The following CKAP2 variants were observed in gnomAD, a reference collection of about 807,000 sequenced individuals.
CKAP2 encodes the protein cytoskeleton associated protein 2, also known as cytoskeleton-associated protein 2.
CKAP2 carries 46 observed loss-of-function variants against 58.4 expected under a neutral mutation model. That is an observed-to-expected ratio of 0.79 (90% CI 0.62 to 1.01). CKAP2 has a LOEUF of 1.01. CKAP2 is among the 50% of genes least tolerant of loss of function. CKAP2 has a pLI of 0.00. For missense variants in CKAP2, 809 were observed against 796.4 expected (o/e 1.02, Z -0.19); for synonymous variants, 293 against 280.9 (o/e 1.04, Z -0.43).
intron 5 of CKAP2, among the ~76,000 whole-genome samples, chr13:52,463,719 A>G (rs1367423380): frequency 6.6e-6 from 1 of 152,210 alleles, no homozygotes; most frequent in Non-Finnish European, 1.5e-5. Flanking sequence ...TCTAGGGATA[A>G]GGAGGCATTC....
intron 6 of CKAP2, chr13:52,465,931 A>ACACATATATATACG: frequency 3.2e-6 from 1 of 314,202 alleles, no homozygotes; most frequent in East Asian, 7.7e-5. Context: ...ATATATATAC[A>ACACATATATATACG]CACATATATA....
intron 6 of CKAP2, among the ~76,000 whole-genome samples, chr13:52,467,092 C>A (rs1183095933): frequency 7.9e-6 from 1 of 127,288 alleles, no homozygotes; most frequent in Non-Finnish European, 1.7e-5. Context: ...CAGAGCAACA[C>A]CCTGTCTCAA....
Position 52,455,494 on chromosome 13 carries a change from G to T in CKAP2, c.-63G>T. ...AGCCGCGGTGCAGACTGCGGCGGCG[G>T]TGGTCTGAGGAAGTTCTATCTTGGC... On this transcript the variant is annotated 5_prime_UTR_variant, in exon 1 of 9. Transcript: ENST00000258607. 1 of 1,594,732 alleles carries T rather than the reference G, an allele frequency of 6.3e-7. No individual in the cohort carries two copies.
chr13:52,461,132 A>G lies in CKAP2; in HGVS notation c.306A>G (p.Leu102=). The part of the protein sequence containing the change: ...NTVVGKHCIP[L]KPSNELTNST... ...TGGTGGGGAAACATTGTATTCCTTTAAAACCTTCAAATGAACTAACCAATT... is the reference window on the plus strand; with the variant it reads ...TGGTGGGGAAACATTGTATTCCTTTGAAACCTTCAAATGAACTAACCAATT... The change falls in exon 4 of 9, where the codon TTA becomes TTG. Residue 102 remains leucine, a synonymous_variant. Transcript: ENST00000258607. 1 of 1,612,754 alleles carries G rather than the reference A, an allele frequency of 6.2e-7. No homozygotes were observed.
At chr13:52,473,042 G>C (rs1344497005) in intron 7 of CKAP2, among the ~76,000 whole-genome samples, 1 of 148,276 alleles carries the variant, frequency 6.7e-6, no homozygotes, top group Non-Finnish European at 1.5e-5. Context: ...CAGACACCCT[G>C]TCTCTAAAAA....
In CKAP2 at chr13:52,468,358, G is replaced by A; in HGVS notation, c.1546+11G>A. Reference sequence around the variant, plus strand: ...AAAAAGCTAATTTAGGTAAGTTTTAGTTATTTTATTTCCTTCATGTGAACT... The same window carrying A: ...AAAAAGCTAATTTAGGTAAGTTTTAATTATTTTATTTCCTTCATGTGAACT... On this transcript the variant is annotated intron_variant, in intron 7 of 8. Transcript: ENST00000258607. The A allele has an allele frequency of 1.3e-6, 2 of 1,511,428 alleles. No individual in the cohort carries two copies. Among genetic ancestry groups the A allele is most frequent in the Non-Finnish European group, 9.1e-7 (1 of 1,101,798 alleles). 93.6% of individuals were successfully genotyped at this position (1,511,428 alleles called of 1,614,324 possible). A position where few individuals can be genotyped will look rare whatever the true frequency, so the allele number is the denominator to read the frequency against.
At chr13:52,458,062 CTTTATA>C (rs1566097015) in intron 2 of CKAP2, among the ~76,000 whole-genome samples, 1 of 152,126 alleles carries the variant, frequency 6.6e-6, no homozygotes, top group Non-Finnish European at 1.5e-5. Context: ...TAATTTCTAA[CTTTATA>C]TTAATAAGTT....
chr13:52,468,068 C>T (rs1055898561), intron 6 of CKAP2, among the ~76,000 whole-genome samples: 7 of 152,076 alleles, frequency 4.6e-5, no homozygotes, highest in African/African-American at 1.7e-4. Flanking sequence ...TCTAGGCCTC[C>T]CAAAGTGCTG....
chr13:52,457,148 G>A (rs774966468), intron 2 of CKAP2, among the ~76,000 whole-genome samples: 5 of 152,096 alleles, frequency 3.3e-5, no homozygotes, highest in African/African-American at 7.2e-5. Context: ...GCCCACCTCA[G>A]CCTCTGAAAG....
At chr13:52,467,238 T>C (rs964555029) in intron 6 of CKAP2, among the ~76,000 whole-genome samples, 1 of 152,132 alleles carries the variant, frequency 6.6e-6, no homozygotes, top group African/African-American at 2.4e-5. Context: ...TAGCAAATGC[T>C]TAGGTAAATA....
intron 1 of CKAP2, 91 bp downstream of exon 1, chr13:52,455,717 C>T: frequency 1.5e-6 from 2 of 1,306,998 alleles, no homozygotes; most frequent in Middle Eastern, 2.7e-4. Context: ...CGCTGGCGCG[C>T]TTCACCTCTC....
intron 1 of CKAP2, chr13:52,456,195 C>T (rs554856356): frequency 9.5e-7 from 1 of 1,057,674 alleles, no homozygotes; most frequent in Non-Finnish European, 1.1e-6. Flanking sequence ...TTAGAACTTT[C>T]GAGTCTAGTG....
intron 6 of CKAP2, among the ~76,000 whole-genome samples, chr13:52,466,898 C>T (rs913093391): frequency 6.6e-6 from 1 of 152,004 alleles, no homozygotes. Flanking sequence ...GAGTTCAAGA[C>T]CAGCCTGGGC....
At chr13:52,466,861 C>G (rs1347924879) in intron 6 of CKAP2, among the ~76,000 whole-genome samples, 1 of 151,994 alleles carries the variant, frequency 6.6e-6, no homozygotes, top group Non-Finnish European at 1.5e-5. Context: ...GTTGGGAAGC[C>G]GAGGCGGGAG....
intron 6 of CKAP2, 124 bp downstream of exon 6, chr13:52,465,589 A>C (rs774960406): frequency 3.1e-5 from 25 of 800,888 alleles, no homozygotes; most frequent in Admixed American, 5.1e-5. Flanking sequence ...ATAAATGTTT[A>C]AAGGCTGCAA....
chr13:52,456,995 T>C (rs886642558), intron 2 of CKAP2, among the ~76,000 whole-genome samples: 13 of 152,000 alleles, frequency 8.6e-5, no homozygotes, highest in African/African-American at 3.1e-4. Context: ...TGGGTTCAAG[T>C]GAATCTCCTG....
intron 2 of CKAP2, among the ~76,000 whole-genome samples, chr13:52,459,854 C>T (rs1017502104): frequency 6.6e-6 from 1 of 151,980 alleles, no homozygotes; most frequent in African/African-American, 2.4e-5. Context: ...TTTGCAATAC[C>T]GCCTAGAAAC....
At chr13:52,456,063 TCTC>T (rs1276150337) in intron 1 of CKAP2, 1 of 1,024,528 alleles carries the variant, frequency 9.8e-7, no homozygotes, top group African/African-American at 1.7e-5. Flanking sequence ...TTTCACAGCT[TCTC>T]CTTCGACTTT....
In CKAP2 at chr13:52,475,442, T is replaced by G. The variant is rs984797681; in HGVS notation, c.*301T>G. 4.0e-6 allele frequency: 1 copy of G among 251,630 alleles called. No individual in the cohort carries two copies. Among genetic ancestry groups the G allele is most frequent in the African/African-American group, 2.2e-5 (1 of 44,962 alleles). 15.6% of individuals were successfully genotyped at this position (251,630 alleles called of 1,614,324 possible). A position where few individuals can be genotyped will look rare whatever the true frequency, so the allele number is the denominator to read the frequency against. On this transcript the variant is annotated 3_prime_UTR_variant, in exon 9 of 9. Coordinates refer to ENST00000258607, the MANE Select transcript of CKAP2 (RefSeq NM_018204.5). ...CAGGTTATAATACTACCCTGTTCAC[T>G]TTACTAAATATAAGTACAGTAATGA...
Sources: gnomAD v4.1 joint callset for allele counts (sites outside exome capture counted in the v4.1 genomes callset) on GRCh38, gnomAD v4.1.1 for gene constraint, MANE v1.5 for transcripts, NCBI Gene and HGNC (gene_info 2026-07-23, HGNC 2026-07-21) for gene names.